The following PCDH1 variants were observed in gnomAD, a reference collection of about 807,000 sequenced individuals.
PCDH1 encodes the protein protocadherin-1.
PCDH1 carries 23 observed loss-of-function variants against 74.6 expected under a neutral mutation model. That is an observed-to-expected ratio of 0.31 (90% CI 0.22 to 0.44). The LOEUF (loss-of-function observed/expected upper bound fraction) is 0.44. PCDH1 is among the 20% of genes least tolerant of loss of function. The probability of loss-of-function intolerance (pLI) is 1.00; values close to 1 mark genes in which losing one functional copy is unlikely to be tolerated. For synonymous variants in PCDH1, 647 were observed against 686.1 expected, an observed-to-expected ratio of 0.94 and a Z score of 0.89; for missense variants, 1,214 against 1,641.4, an observed-to-expected ratio of 0.74 and a Z score of 4.50.
Position 141,854,189 on chromosome 5 carries a change from G to A in PCDH1, c.3567C>T (p.Pro1189=), listed in dbSNP as rs748123012. Residue 1189 remains proline (P), a synonymous_variant, in exon 5 of 5, where the codon CCC becomes CCT. Transcript: ENST00000287008. ...TACTGTGGGAGAAGGCACTGTAGGA[G>A]GGCAGGAGGCGCACGGGGGCCGTTT... The part of the protein sequence containing the change: ...NTKTAPVRLL[P]SYSAFSHSSH... The A allele has an allele frequency of 6.2e-7, 1 of 1,609,916 alleles. No homozygotes were observed. Among genetic ancestry groups the A allele is most frequent in the South Asian group, 1.1e-5 (1 of 90,780 alleles).
Position 141,863,211 on chromosome 5 carries a change from G to A in PCDH1, c.3099+21C>T, listed in dbSNP as rs777356986. The A allele has an allele frequency of 1.5e-5, 23 of 1,564,342 alleles. No homozygotes were observed. The South Asian group carries it at 2.6e-4, about 18-fold the overall frequency. On this transcript the variant is annotated intron_variant, in intron 3 of 4. Transcript: ENST00000287008. The surrounding 1 kb of genome is among the most constrained non-coding windows in gnomAD (Gnocchi z 7.5). ...GGTGGGGTAGGGGCTGGGGTGTGCT[G>A]AGCTGAAAGGGCTGGCCTACCTGCT...
chr5:141,878,170 T>A lies in PCDH1; in HGVS notation c.40+53A>T, dbSNP rs1286788072. 4.9e-6 allele frequency: 7 copies of A among 1,419,472 alleles called. No homozygotes were observed. The highest frequency in any genetic ancestry group is 4.6e-6 in the Non-Finnish European group (5 of 1,085,334). 87.9% of individuals were successfully genotyped at this position (1,419,472 alleles called of 1,614,324 possible). ...CCCCTCCCTCAGCTCCCGCCGGCCA[T>A]GACCGCTTCGGGCCCCAAGCCGCTG... is the stretch of plus-strand genomic sequence containing the variant. On this transcript the variant is annotated intron_variant, in intron 1 of 4. Coordinates refer to ENST00000287008, the MANE Select transcript of PCDH1 (RefSeq NM_032420.5). This position sits in a 1 kb window ranked among gnomAD's most constrained non-coding sequence, Gnocchi z 5.5.
In PCDH1 at chr5:141,865,227, A is replaced by G; in HGVS notation, c.1104T>C (p.Ser368=). 1 of 1,613,892 alleles carries G rather than the reference A, an allele frequency of 6.2e-7. No homozygotes were observed. The highest frequency in any genetic ancestry group is 8.5e-7 in the Non-Finnish European group (1 of 1,179,994). ...CGGTCACAACCACCTGGGCACGGGC[A>G]CTCTTGGGGTTGGTGCCTCGGTCCT... ...LAKDRGTNPK[S]ARAQVVVTVK... The change falls in exon 3 of 5, where the codon AGT becomes AGC. Residue 368 remains serine (S), a synonymous_variant. Transcript: ENST00000287008. The surrounding 1 kb of genome is among the most constrained non-coding windows in gnomAD (Gnocchi z 4.4).
At position 141,854,232 on chromosome 5, in the gene PCDH1, G is replaced by A. The variant is rs145557825; in HGVS notation, c.3524C>T (p.Pro1175Leu). 1.3e-5 allele frequency: 21 copies of A among 1,610,864 alleles called. No individual in the cohort carries two copies. The highest frequency in any genetic ancestry group is 1.1e-4 in the African/African-American group (8 of 74,872). ...GGCCGTTTTGGTGTTCCGGTCTTCC[G>A]GGGGGCTGGGGCTGCCGGCGCCCGC... ...EPAGAGSPSP[P>L]EDRNTKTAPV... The change falls in exon 5 of 5, where the codon CCG (proline) becomes CTG (leucine). Residue 1175 changes from proline (P) to leucine (L), a missense_variant. Physicochemically the swap from Pro to Leu is moderately conservative, Grantham distance 98. Around this residue, in one of 4 missense-constraint regions of PCDH1, gnomAD observed 194 missense variants for 198.3 expected, o/e 0.98. Coordinates refer to ENST00000287008, the MANE Select transcript of PCDH1 (RefSeq NM_032420.5).
intron 4 of PCDH1, 86 bp from the exon 5 acceptor site, chr5:141,854,522 C>T: frequency 7.1e-7 from 1 of 1,404,422 alleles, no homozygotes; most frequent in Non-Finnish European, 9.6e-7. Flanking sequence ...GCATCTACAC[C>T]CCACCTCAGG....
rs1404410049 is a variant in PCDH1 at position 141,865,330 on chromosome 5, C to A, written c.1001G>T (p.Arg334Met). Reference protein sequence around the residue: ...EVVRRLLRLDRNTGLITVQGP... With the variant: ...EVVRRLLRLDMNTGLITVQGP... The stretch of plus-strand genomic sequence containing the variant: ...CTGAACAGTGATAAGTCCAGTGTTC[C>A]TGTCCAGTCGAAGAAGACGCCTCAC... Residue 334 changes from arginine to methionine, a missense_variant, in exon 3 of 5, where the codon AGG becomes ATG. Arg to Met is a moderately conservative substitution (Grantham distance 91). Transcript: ENST00000287008. The surrounding 1 kb of genome is among the most constrained non-coding windows in gnomAD (Gnocchi z 4.4). 1 of 1,614,054 alleles carries A rather than the reference C, an allele frequency of 6.2e-7. No individual in the cohort carries two copies. Among genetic ancestry groups the A allele is most frequent in the Non-Finnish European group, 8.5e-7 (1 of 1,180,040 alleles).
In PCDH1 at chr5:141,857,355, C is replaced by T. The variant is rs777732432; in HGVS notation, c.3216G>A (p.Lys1072=). 1 of 1,614,056 alleles carries T rather than the reference C, an allele frequency of 6.2e-7. No homozygotes were observed. Among genetic ancestry groups the T allele is most frequent in the South Asian group, 1.1e-5 (1 of 91,076 alleles). ...GACCGAGTCGAGGCCCTGAGGATGA[C>T]TTGCTGGACGGCGTCTCAGACTCCT... The part of the protein sequence containing the change: ...GLEESETPSS[K]SSSGPRLGPL... Residue 1072 remains lysine (K), a synonymous_variant, in exon 4 of 5, where the codon AAG becomes AAA. Transcript: ENST00000287008.
At chr5:141,873,097 AG>A (rs1316954439) in intron 1 of PCDH1, among the ~76,000 whole-genome samples, 2 of 152,078 alleles carry the variant, frequency 1.3e-5, no homozygotes, top group Non-Finnish European at 2.9e-5. Flanking sequence ...AGATAATTCC[AG>A]GGAGTTAAGA....
rs1224999034 is a variant in PCDH1, at chr5:141,865,367, C to T, written c.964G>A (p.Ala322Thr). 1 of 1,614,088 alleles carries T rather than the reference C, an allele frequency of 6.2e-7. No homozygotes were observed. The highest frequency in any genetic ancestry group is 8.5e-7 in the Non-Finnish European group (1 of 1,180,034). Reference sequence around the variant, plus strand: ...AGAAGACGCCTCACAACTTCGGGCGCCTGGTGGAATGTGTATTCGATTTCT... The same window carrying T: ...AGAAGACGCCTCACAACTTCGGGCGTCTGGTGGAATGTGTATTCGATTTCT... ...NAEIEYTFHQ[A>T]PEVVRRLLRL... The change falls in exon 3 of 5, where the codon GCG becomes ACG. Residue 322 changes from alanine (A) to threonine (T), a missense_variant. By Grantham distance (58) the Ala-to-Thr change is moderately conservative. Around this residue, in one of 4 missense-constraint regions of PCDH1, gnomAD observed 836 missense variants for 1,182.2 expected, o/e 0.71. Coordinates refer to ENST00000287008, the MANE Select transcript of PCDH1 (RefSeq NM_032420.5). This position sits in a 1 kb window ranked among gnomAD's most constrained non-coding sequence, Gnocchi z 4.4.
Position 141,865,563 on chromosome 5 carries a change from C to T in PCDH1, c.904-136G>A. 1 of 1,013,424 alleles carries T rather than the reference C, an allele frequency of 9.9e-7. No individual in the cohort carries two copies. Among genetic ancestry groups the T allele is most frequent in the African/African-American group, 1.6e-5 (1 of 62,194 alleles). The allele number at this position is 1,013,424 out of a possible 1,614,324, so 62.8% of individuals were successfully genotyped here. A position where few individuals can be genotyped will look rare whatever the true frequency, so the allele number is the denominator to read the frequency against. The stretch of plus-strand genomic sequence containing the variant: ...AGCCAATCCAACATCGCTCCCTTTC[C>T]AGAAGCCATGTGTGTCCTGCCTTTT... On this transcript the variant is annotated intron_variant, in intron 2 of 4. Transcript: ENST00000287008. The surrounding 1 kb of genome is among the most constrained non-coding windows in gnomAD (Gnocchi z 4.4).
chr5:141,862,553 G>C (rs146267463), intron 3 of PCDH1: 51 of 864,454 alleles, frequency 5.9e-5, no homozygotes, highest in Admixed American at 1.2e-4. Flanking sequence ...AAGAGGCAAA[G>C]AGAAGGGAAG....
Position 141,854,236 on chromosome 5 carries a change from G to A in PCDH1, c.3520C>T (p.Pro1174Ser), listed in dbSNP as rs1350267982. Residue 1174 changes from proline (P) to serine (S), a missense_variant, in exon 5 of 5, where the codon CCC becomes TCC. This residue lies in a region of PCDH1 where 194 missense variants were observed against 198.3 expected (regional missense o/e 0.98). Transcript: ENST00000287008. ...GTTTTGGTGTTCCGGTCTTCCGGGG[G>A]GCTGGGGCTGCCGGCGCCCGCAGGC... Reference protein sequence around the residue: ...QEPAGAGSPSPPEDRNTKTAP... With the variant: ...QEPAGAGSPSSPEDRNTKTAP... 1.9e-6 allele frequency: 3 copies of A among 1,612,008 alleles called. No individual in the cohort carries two copies. In the South Asian group the frequency reaches 3.3e-5, roughly 18 times the overall value.
Position 141,863,393 on chromosome 5 carries a change from G to A in PCDH1, c.2938C>T (p.Leu980=), listed in dbSNP as rs996328645. 33 of 1,551,772 alleles carry A rather than the reference G, an allele frequency of 2.1e-5. No individual in the cohort carries two copies. Among genetic ancestry groups the A allele is most frequent in the Non-Finnish European group, 2.9e-5 (33 of 1,147,504 alleles). Residue 980 remains leucine, a synonymous_variant, in exon 3 of 5, where the codon CTG becomes TTG. Transcript: ENST00000287008. The surrounding 1 kb of genome is among the most constrained non-coding windows in gnomAD (Gnocchi z 7.5). The part of the protein sequence containing the change: ...RSNSPLPSIQ[L]QPQSPSASKK... ...GAGGCTGAGGGTGACTGGGGCTGCAGCTGGATGGAAGGCAGTGGGGAGTTA... is the reference window on the plus strand; with the variant it reads ...GAGGCTGAGGGTGACTGGGGCTGCAACTGGATGGAAGGCAGTGGGGAGTTA...
chr5:141,874,702 C>A (rs1037651146), intron 1 of PCDH1, among the ~76,000 whole-genome samples: 1 of 152,166 alleles, frequency 6.6e-6, no homozygotes, highest in Admixed American at 6.5e-5. Context: ...AGTGCTGTGG[C>A]CAGAGAAAAA....
chr5:141,866,110 G>T (rs373567005), intron 2 of PCDH1: 1 of 985,418 alleles, frequency 1.0e-6, no homozygotes. Flanking sequence ...GATTTCTTTT[G>T]AAAGAAGTCA....
rs186346957 is a variant in PCDH1, at chr5:141,867,311, C to T, written c.903+1258G>A. Among the ~76,000 whole-genome samples the T allele has an allele frequency of 2.6e-5, 4 of 152,328 alleles. No homozygotes were observed. The East Asian group carries it at 7.7e-4, about 29-fold the overall frequency. ...TCTGCCCTACTCTCCCGCTTCACCT[C>T]ACTGGGAGGTGGTAAAGCTCTTACA... On this transcript the variant is annotated intron_variant, in intron 2 of 4. Coordinates refer to ENST00000287008, the MANE Select transcript of PCDH1 (RefSeq NM_032420.5).
intron 3 of PCDH1, among the ~76,000 whole-genome samples, chr5:141,858,237 T>G (rs1752435016): frequency 6.7e-6 from 1 of 148,338 alleles, no homozygotes; most frequent in African/African-American, 2.5e-5. Flanking sequence ...GGCCTGGGAG[T>G]GGAAAAAAAG....
intron 1 of PCDH1, among the ~76,000 whole-genome samples, chr5:141,872,541 A>G (rs1753120395): frequency 6.6e-6 from 1 of 152,216 alleles, no homozygotes; most frequent in Non-Finnish European, 1.5e-5. Context: ...TCAGGGGGCC[A>G]TGATCTGGCA....
At position 141,865,889 on chromosome 5, in the gene PCDH1, T is replaced by A. The variant is rs1412484805; in HGVS notation, c.904-462A>T. ...AATGTGCACTACATGCACGCACGCA[T>A]GCACATATGTATGTGTATGATTGTG... On this transcript the variant is annotated intron_variant, in intron 2 of 4. Transcript: ENST00000287008. This position sits in a 1 kb window ranked among gnomAD's most constrained non-coding sequence, Gnocchi z 4.4. Among the ~76,000 whole-genome samples the A allele has an allele frequency of 6.6e-6, 1 of 152,026 alleles. No homozygotes were observed. The highest frequency in any genetic ancestry group is 1.5e-5 in the Non-Finnish European group (1 of 67,976).
Sources: gnomAD v4.1 joint callset for allele counts (sites outside exome capture counted in the v4.1 genomes callset) on GRCh38, gnomAD v4.1.1 for gene constraint, gnomAD v4.1.1 regional missense constraint, Gnocchi (gnomAD v3.1) non-coding constraint, MANE v1.5 for transcripts, NCBI Gene and HGNC (gene_info 2026-07-23, HGNC 2026-07-21) for gene names.